The following MROH2A variants were observed in gnomAD, a reference collection of about 807,000 sequenced individuals.
MROH2A encodes the protein maestro heat like repeat family member 2A.
A neutral mutation model predicts 200.4 loss-of-function variants in MROH2A; 174 were observed. The observed-to-expected ratio is 0.87, with a 90% CI of 0.77 to 0.98. The LOEUF (loss-of-function observed/expected upper bound fraction) is 0.98. MROH2A is among the 50% of genes least tolerant of loss of function. The pLI is 0.00. For synonymous variants in MROH2A, 829 were observed against 840.4 expected, an observed-to-expected ratio of 0.99 and a Z score of 0.23; for missense variants, 2,045 against 2,139.6, an observed-to-expected ratio of 0.96 and a Z score of 0.87.
At chr2:233,829,905 AG>A in intron 38 of MROH2A, 130 bp downstream of exon 38, 1 of 854,012 alleles carries the variant, frequency 1.2e-6, no homozygotes. Flanking sequence ...CTGAGATCCC[AG>A]AGGCCACAGC....
Position 233,828,990 on chromosome 2 carries a change from A to G in MROH2A, c.4364A>G (p.Lys1455Arg), listed in dbSNP as rs559283358. ...VTAEGMEALT[K>R]ILAELREGDV... Reference sequence around the variant, plus strand: ...GCCGAGGGCATGGAGGCCCTGACCAAGATCCTGGCTGAGCTCCGGGAAGGG... The same window carrying G: ...GCCGAGGGCATGGAGGCCCTGACCAGGATCCTGGCTGAGCTCCGGGAAGGG... Residue 1455 changes from lysine to arginine, a missense_variant, in exon 37 of 42, where the codon AAG becomes AGG. Lys to Arg is a conservative substitution (Grantham distance 26, BLOSUM62 2). Transcript: ENST00000389758. The surrounding 1 kb of genome is among the most constrained non-coding windows in gnomAD (Gnocchi z 4.6). The G allele has an allele frequency of 3.9e-4, 600 of 1,550,402 alleles. No homozygotes were observed. Among genetic ancestry groups the G allele is most frequent in the Non-Finnish European group, 4.8e-4 (551 of 1,146,974 alleles).
At chr2:233,813,568 T>C in intron 24 of MROH2A, 102 bp from the exon 25 acceptor site, 1 of 687,210 alleles carries the variant, frequency 1.5e-6, no homozygotes, top group Non-Finnish European at 2.5e-6. Context: ...AGTAGGCCTC[T>C]TCCTCTTCTA....
At chr2:233,830,882 C>T (rs28900698) in intron 38 of MROH2A, among the ~76,000 whole-genome samples, 4,421 of 152,252 alleles carry the variant, frequency 0.029, 215 homozygotes, top group African/African-American at 0.1. Context: ...CATGTTTTAT[C>T]GACAACTGTC....
chr2:233,796,424 C>CTTTCT (rs1702116910), intron 11 of MROH2A, 111 bp downstream of exon 11: 3 of 695,062 alleles, frequency 4.3e-6, no homozygotes, highest in African/African-American at 1.8e-5. Context: ...CTAGACACTA[C>CTTTCT]TGGGTGGGCC....
intron 19 of MROH2A, among the ~76,000 whole-genome samples, chr2:233,806,294 T>G (rs1702785848): frequency 6.6e-6 from 1 of 152,060 alleles, no homozygotes; most frequent in Admixed American, 6.5e-5. Context: ...GGAAAAGAGG[T>G]AAATTTTATA....
chr2:233,789,642 C>T lies in MROH2A; in HGVS notation c.408+14C>T. ...GAGATCCCAGAGGTAGGACCCCAAG[C>T]TCCATCGGTGCCTTCCCTCTGCCAG... On this transcript the variant is annotated intron_variant, in intron 4 of 41. Transcript: ENST00000389758. The T allele has an allele frequency of 2.8e-6, 4 of 1,453,382 alleles. No homozygotes were observed. Among genetic ancestry groups the T allele is most frequent in the Non-Finnish European group, 2.7e-6 (3 of 1,099,816 alleles). 90.0% of individuals were successfully genotyped at this position (1,453,382 alleles called of 1,614,324 possible).
chr2:233,796,420 A>G lies in MROH2A; in HGVS notation c.1252+107A>G, dbSNP rs982604349. The G allele has an allele frequency of 9.8e-6, 7 of 714,206 alleles. No individual in the cohort carries two copies. The Admixed American group carries it at 1.1e-4, about 11-fold the overall frequency. The allele number at this position is 714,206 out of a possible 1,614,324, so 44.2% of individuals were successfully genotyped here. On this transcript the variant is annotated intron_variant, in intron 11 of 41. Transcript: ENST00000389758. ...GTTCGGGCATTGCCACTTCCTAGAC[A>G]CTACTGGGTGGGCCAAGAAAGCCAA... is the stretch of plus-strand genomic sequence containing the variant.
At chr2:233,799,959 G>A in intron 13 of MROH2A, 60 bp downstream of exon 13, 24 of 1,545,300 alleles carry the variant, frequency 1.6e-5, no homozygotes, top group South Asian at 4.8e-5. Context: ...TTTCCACAGT[G>A]CTGAGGGGAG....
intron 3 of MROH2A, among the ~76,000 whole-genome samples, chr2:233,788,675 C>T (rs1024443896): frequency 2.0e-5 from 3 of 152,130 alleles, no homozygotes; most frequent in African/African-American, 7.2e-5. Context: ...TGGTGGCTCA[C>T]GCCTGTAATC....
intron 22 of MROH2A, among the ~76,000 whole-genome samples, chr2:233,810,490 A>G (rs1703085979): frequency 6.6e-6 from 1 of 152,208 alleles, no homozygotes; most frequent in Admixed American, 6.5e-5. Context: ...CCCACAACAC[A>G]TGGGAATTCT....
Position 233,822,220 on chromosome 2 carries a change from C to T in MROH2A, c.3609C>T (p.Ser1203=), listed in dbSNP as rs1472139614. The change falls in exon 32 of 42, where the codon AGC becomes AGT. Residue 1203 remains serine (S), a synonymous_variant. Coordinates refer to ENST00000389758, the MANE Select transcript of MROH2A (RefSeq NM_001394639.1). ...TGGGCCGGCTGCAGTCACGGCTCAG[C>T]CCCAGAATCAGTGCCACCTCCAAGG... ...SLMGRLQSRL[S]PRISATSKAD... is the part of the protein sequence containing the mutation. The T allele has an allele frequency of 5.2e-6, 8 of 1,548,210 alleles. No homozygotes were observed. In the African/African-American group the frequency reaches 9.6e-5, roughly 19 times the overall value.
intron 3 of MROH2A, among the ~76,000 whole-genome samples, chr2:233,781,447 A>G (rs6728520): frequency 0.27 from 40,784 of 152,080 alleles, 6,495 homozygotes; most frequent in East Asian, 0.56. Flanking sequence ...GAGTGAGATA[A>G]TATCTCATTG....
At chr2:233,791,484 C>T (rs1701758448) in intron 5 of MROH2A, among the ~76,000 whole-genome samples, 1 of 151,990 alleles carries the variant, frequency 6.6e-6, no homozygotes, top group East Asian at 1.9e-4. Flanking sequence ...CTCATGTTGC[C>T]TGTGGGAGCC....
At chr2:233,802,143 C>T in intron 14 of MROH2A, 25 bp from the exon 15 acceptor site, 3 of 1,541,702 alleles carry the variant, frequency 1.9e-6, no homozygotes, top group Non-Finnish European at 2.6e-6. Context: ...ATTCTGAGCC[C>T]CTTTCTCTCC....
chr2:233,792,639 T>C (rs1701857818), intron 5 of MROH2A, among the ~76,000 whole-genome samples, 157 bp from the exon 6 acceptor site: 1 of 152,132 alleles, frequency 6.6e-6, no homozygotes, highest in African/African-American at 2.4e-5. Flanking sequence ...CTTTTCTGAC[T>C]CCTGGACTAT....
upstream of MROH2A, among the ~76,000 whole-genome samples, chr2:233,776,534 G>A (rs1317148261): frequency 6.6e-6 from 1 of 151,512 alleles, no homozygotes; most frequent in Non-Finnish European, 1.5e-5. Flanking sequence ...GCTAATTTTT[G>A]TATTTTTTAG....
intron 35 of MROH2A, among the ~76,000 whole-genome samples, chr2:233,827,245 C>A (rs1704376334): frequency 6.6e-6 from 1 of 152,206 alleles, no homozygotes; most frequent in African/African-American, 2.4e-5. Flanking sequence ...GGAATATAAT[C>A]ATTCTATTAC....
Position 233,796,276 on chromosome 2 carries a change from G to T in MROH2A, c.1215G>T (p.Gly405=), listed in dbSNP as rs1293956898. Residue 405 remains glycine, a synonymous_variant, in exon 11 of 42, where the codon GGG becomes GGT. Transcript: ENST00000389758. ...CAAACAAGGAGGCCGTCCGCGTGGG[G>T]ACTCTGAATCTGATTAGGGCTATAG... The part of the protein sequence containing the change: ...METNKEAVRV[G]TLNLIRAIVS... 8.4e-6 allele frequency: 11 copies of T among 1,312,006 alleles called. No homozygotes were observed. The highest frequency in any genetic ancestry group is 1.1e-5 in the Non-Finnish European group (11 of 1,000,620). 81.3% of individuals were successfully genotyped at this position (1,312,006 alleles called of 1,614,324 possible). A position where few individuals can be genotyped will look rare whatever the true frequency, so the allele number is the denominator to read the frequency against.
chr2:233,795,996 G>C lies in MROH2A; in HGVS notation c.1089G>C (p.Gln363His). ...QVCNKAPAQH[Q>H]YSSQNLMEMV... ...GCAACAAGGCCCCGGCCCAGCATCA[G>C]TACAGCAGCCAGAATCTGATGGAGA... Residue 363 changes from glutamine (Q) to histidine (H), a missense_variant, in exon 10 of 42, where the codon CAG becomes CAC. Transcript: ENST00000389758. 1 of 1,550,630 alleles carries C rather than the reference G, an allele frequency of 6.4e-7. No homozygotes were observed. Among genetic ancestry groups the C allele is most frequent in the Non-Finnish European group, 8.7e-7 (1 of 1,146,986 alleles).
Sources: allele counts gnomAD v4.1 joint callset (sites outside exome capture counted in the v4.1 genomes callset), GRCh38; gene constraint gnomAD v4.1.1; non-coding constraint Gnocchi (gnomAD v3.1); transcripts MANE v1.5; gene names NCBI Gene and HGNC (gene_info 2026-07-23, HGNC 2026-07-21).